The following ASH2L variants were observed in gnomAD, a reference collection of about 807,000 sequenced individuals.
ASH2L encodes the protein set1/Ash2 histone methyltransferase complex subunit ASH2.
In ASH2L, 30 loss-of-function variants were observed where a neutral mutation model predicts 81.1. The ratio of observed to expected loss-of-function variants is 0.37; its 90% CI spans 0.28 to 0.50. ASH2L has a LOEUF of 0.50. Ranked by LOEUF, ASH2L falls within the 20% of genes least tolerant of loss-of-function variation. The pLI, the probability that ASH2L is intolerant of heterozygous loss-of-function variation, is 0.95. For synonymous variants in ASH2L, 273 were observed against 279.9 expected, an observed-to-expected ratio of 0.98 and a Z score of 0.24; for missense variants, 559 against 792.1, an observed-to-expected ratio of 0.71 and a Z score of 3.53.
At chr8:38,121,812 A>G (rs781395546) in intron 10 of ASH2L, among the ~76,000 whole-genome samples, 1 of 152,222 alleles carries the variant, frequency 6.6e-6, no homozygotes, top group African/African-American at 2.4e-5. Flanking sequence ...TCATGATGTC[A>G]GTAGGTCTTA....
chr8:38,132,868 G>A (rs2300073), intron 12 of ASH2L, among the ~76,000 whole-genome samples: 7 of 151,564 alleles, frequency 4.6e-5, no homozygotes, highest in Middle Eastern at 3.2e-3. Flanking sequence ...AGGCCAAGGC[G>A]GGTGGATCAC....
chr8:38,139,115 G>C lies in ASH2L; in HGVS notation c.*44G>C. 1 of 1,424,986 alleles carries C rather than the reference G, an allele frequency of 7.0e-7. No individual in the cohort carries two copies. 88.3% of individuals were successfully genotyped at this position (1,424,986 alleles called of 1,614,324 possible). A position where few individuals can be genotyped will look rare whatever the true frequency, so the allele number is the denominator to read the frequency against. ...TCAAGGACTTTCTGGGAATAATACT[G>C]GGGGTTTTGTTTTTGTTTTTGAACT... On this transcript the variant is annotated 3_prime_UTR_variant, in exon 16 of 16. Transcript: ENST00000343823.
rs781543040 is a variant in ASH2L, at chr8:38,110,790, G to A, written c.542G>A (p.Arg181Gln). Residue 181 changes from arginine to glutamine, a missense_variant, in exon 5 of 16, where the codon CGA becomes CAA. Transcript: ENST00000343823. Reference sequence around the variant, plus strand: ...TTGGCCAACCTGACATGGCAGTCCCGAACACAGGATGAACATCCGAAGACA... The same window carrying A: ...TTGGCCAACCTGACATGGCAGTCCCAAACACAGGATGAACATCCGAAGACA... The part of the protein sequence containing the change: ...SALANLTWQS[R>Q]TQDEHPKTMF... 1.5e-5 allele frequency: 25 copies of A among 1,613,752 alleles called. No individual in the cohort carries two copies. Among genetic ancestry groups the A allele is most frequent in the Non-Finnish European group, 1.9e-5 (23 of 1,179,980 alleles).
Position 38,121,036 on chromosome 8 carries a change from A to T in ASH2L, c.1052A>T (p.His351Leu). 6.2e-7 allele frequency: 1 copy of T among 1,613,676 alleles called. No homozygotes were observed. The highest frequency in any genetic ancestry group is 8.5e-7 in the Non-Finnish European group (1 of 1,179,932). ...YRYILAEPDP[H>L]APDPEKLELD... ...TATATTCTAGCTGAGCCTGATCCGC[A>T]CGCCCCTGACCCCGAGAAGCTGGAA... Residue 351 changes from histidine to leucine, a missense_variant, in exon 10 of 16, where the codon CAC (histidine) becomes CTC (leucine). Coordinates refer to ENST00000343823, the MANE Select transcript of ASH2L (RefSeq NM_004674.5).
intron 14 of ASH2L, chr8:38,137,413 A>T (rs1263301376): frequency 6.6e-6 from 1 of 152,204 alleles, no homozygotes; most frequent in Non-Finnish European, 1.5e-5. Flanking sequence ...AAAGAAAAAA[A>T]AAAGCTGGGC....
chr8:38,105,891 T>G, intron 1 of ASH2L, 153 bp downstream of exon 1: 1 of 1,454,570 alleles, frequency 6.9e-7, no homozygotes, highest in Non-Finnish European at 9.0e-7. Context: ...CCGTCCCCTC[T>G]CAAGCATATC....
intron 14 of ASH2L, 31 bp from the exon 15 acceptor site, chr8:38,138,785 T>C: frequency 6.2e-7 from 1 of 1,605,178 alleles, no homozygotes; most frequent in Non-Finnish European, 8.5e-7. Flanking sequence ...GTCCATTTTT[T>C]CCATGTCTGC....
intron 8 of ASH2L, among the ~76,000 whole-genome samples, chr8:38,118,027 C>G (rs1372955579): frequency 6.6e-6 from 1 of 152,150 alleles, no homozygotes; most frequent in Non-Finnish European, 1.5e-5. Flanking sequence ...CCACTGCACT[C>G]CAGCTTGGGC....
chr8:38,122,263 G>A (rs1408752124), intron 10 of ASH2L: 10 of 151,860 alleles, frequency 6.6e-5, no homozygotes, highest in Admixed American at 2.0e-4. Flanking sequence ...TTACTTTGAG[G>A]CATCAAAAGG....
chr8:38,116,289 C>G (rs927286868), intron 7 of ASH2L, among the ~76,000 whole-genome samples: 3 of 152,098 alleles, frequency 2.0e-5, no homozygotes, highest in African/African-American at 7.2e-5. Context: ...TCACTTGAAC[C>G]TGGTAGGCAG....
At chr8:38,105,769 G>A in intron 1 of ASH2L, 31 bp downstream of exon 1, 1 of 1,500,716 alleles carries the variant, frequency 6.7e-7, no homozygotes, top group Non-Finnish European at 8.9e-7. Context: ...AGGAAGACGC[G>A]GGAGGGAGGC....
chr8:38,134,899 A>G (rs1179051376), intron 13 of ASH2L, among the ~76,000 whole-genome samples: 1 of 152,200 alleles, frequency 6.6e-6, no homozygotes, highest in East Asian at 1.9e-4. Context: ...GAGAGAAAGG[A>G]GGAACATGAG....
intron 7 of ASH2L, among the ~76,000 whole-genome samples, chr8:38,115,606 A>C (rs895903233): frequency 1.3e-5 from 2 of 152,082 alleles, no homozygotes; most frequent in Admixed American, 6.6e-5. Context: ...ATTCAAGACC[A>C]GCCTGGACAA....
chr8:38,110,253 A>T (rs1810629142), intron 3 of ASH2L, 126 bp from the exon 4 acceptor site: 1 of 716,926 alleles, frequency 1.4e-6, no homozygotes, highest in Admixed American at 2.2e-5. Flanking sequence ...TCAAGTCTGC[A>T]GTGAGCTATG....
intron 5 of ASH2L, among the ~76,000 whole-genome samples, chr8:38,113,015 A>G (rs1038863100): frequency 2.0e-5 from 3 of 151,682 alleles, no homozygotes; most frequent in African/African-American, 4.8e-5. Flanking sequence ...CACCCAGGCT[A>G]AAATGTAGTG....
At chr8:38,136,792 A>G (rs1359147800) in intron 14 of ASH2L, among the ~76,000 whole-genome samples, 7 of 147,142 alleles carry the variant, frequency 4.8e-5, no homozygotes, top group East Asian at 2.1e-4. Flanking sequence ...AAAAAGAAAG[A>G]AAAGAAAAGA....
chr8:38,114,425 A>C, intron 6 of ASH2L, 138 bp downstream of exon 6: 1 of 614,948 alleles, frequency 1.6e-6, no homozygotes, highest in Non-Finnish European at 2.8e-6. Flanking sequence ...GATACAGCTA[A>C]TTGTGAATTT....
At position 38,119,289 on chromosome 8, in the gene ASH2L, C is replaced by T; in HGVS notation, c.873C>T (p.Ser291=). ...TCAAAGGGGGAATTGCAGCAGGAAG[C>T]AGCGGAAAAGGACGAGGAGCCAAGC... is the stretch of plus-strand genomic sequence containing the variant. ...GNLNGGIAAG[S]SGKGRGAKRK... Residue 291 remains serine, a synonymous_variant, in exon 9 of 16, where the codon AGC becomes AGT. Transcript: ENST00000343823. The T allele has an allele frequency of 8.4e-6, 13 of 1,550,556 alleles. No homozygotes were observed. Among genetic ancestry groups the T allele is most frequent in the Non-Finnish European group, 1.0e-5 (12 of 1,146,546 alleles).
chr8:38,107,701 T>C (rs931278890), intron 3 of ASH2L, among the ~76,000 whole-genome samples: 1 of 152,168 alleles, frequency 6.6e-6, no homozygotes, highest in Non-Finnish European at 1.5e-5. Flanking sequence ...AATGAAAGAC[T>C]TTTTTCCTTA....
Sources: gnomAD v4.1 joint callset for allele counts (sites outside exome capture counted in the v4.1 genomes callset) on GRCh38, gnomAD v4.1.1 for gene constraint, MANE v1.5 for transcripts, NCBI Gene and HGNC (gene_info 2026-07-23, HGNC 2026-07-21) for gene names.